The following TMT1A variants were observed in gnomAD, a reference collection of about 807,000 sequenced individuals.
The protein encoded by TMT1A is thiol methyltransferase 1A, also known as thiol S-methyltransferase TMT1A.
the TMT1A span, chr12:50,925,289 A>T: frequency 6.2e-7 from 1 of 1,614,190 alleles, no homozygotes; most frequent in East Asian, 2.2e-5. Flanking sequence ...ACGGGGGCCA[A>T]CTTCAAGTTC....
At chr12:50,925,576 T>C in the TMT1A span, 2 of 1,589,036 alleles carry the variant, frequency 1.3e-6, no homozygotes, top group Non-Finnish European at 1.7e-6. Context: ...TAGTAGCAGC[T>C]ATTATCATAG....
the TMT1A span, chr12:50,929,890 T>G: frequency 1.9e-5 from 22 of 1,178,146 alleles, no homozygotes; most frequent in South Asian, 6.2e-5. Context: ...CCTTGAAATG[T>G]TTTTTTTTTT....
At chr12:50,925,252 C>T in the TMT1A span, 4 of 1,614,230 alleles carry the variant, frequency 2.5e-6, no homozygotes, top group Non-Finnish European at 3.4e-6. Flanking sequence ...CTCCGGGAAA[C>T]TCTCCCTGCT....
At chr12:50,929,066 T>C in the TMT1A span, among the ~76,000 whole-genome samples, 8 of 151,218 alleles carry the variant, frequency 5.3e-5, no homozygotes, top group East Asian at 1.4e-3. Context: ...GGCGAAACTC[T>C]GTCTCTATAA....
At chr12:50,929,516 A>G in the TMT1A span, among the ~76,000 whole-genome samples, 1 of 152,254 alleles carries the variant, frequency 6.6e-6, no homozygotes, top group Non-Finnish European at 1.5e-5. Context: ...ATAACATGTA[A>G]TAACATCTAT....
chr12:50,928,038 T>C, the TMT1A span, among the ~76,000 whole-genome samples: 1 of 152,232 alleles, frequency 6.6e-6, no homozygotes, highest in Non-Finnish European at 1.5e-5. Flanking sequence ...TTGGCCGGGC[T>C]GGTGTCCAAC....
At chr12:50,928,569 A>G in the TMT1A span, among the ~76,000 whole-genome samples, 1 of 152,138 alleles carries the variant, frequency 6.6e-6, no homozygotes. Context: ...CCCCTGTGCA[A>G]GTTCCCTTAT....
At chr12:50,925,761 G>A in the TMT1A span, among the ~76,000 whole-genome samples, 172 of 152,042 alleles carry the variant, frequency 1.1e-3, no homozygotes, top group South Asian at 6.0e-3. Context: ...CCTCCTGGCC[G>A]GGCACAGTGG....
chr12:50,927,331 G>A, the TMT1A span, among the ~76,000 whole-genome samples: 1 of 152,126 alleles, frequency 6.6e-6, no homozygotes, highest in African/African-American at 2.4e-5. Context: ...CCAACCATCA[G>A]TTTTATTTTC....
the TMT1A span, chr12:50,931,717 A>G: frequency 6.8e-6 from 1 of 147,868 alleles, no homozygotes; most frequent in African/African-American, 2.6e-5. Context: ...GTCTCAAAAA[A>G]AAAAAAAAAA....
the TMT1A span, among the ~76,000 whole-genome samples, chr12:50,925,839 G>A: frequency 2.0e-5 from 3 of 151,894 alleles, no homozygotes; most frequent in South Asian, 6.2e-4. Flanking sequence ...AGGAGTTCGA[G>A]ACCAGACTGA....
chr12:50,932,175 G>GA, the TMT1A span: 1 of 152,114 alleles, frequency 6.6e-6, no homozygotes, highest in South Asian at 2.1e-4. Flanking sequence ...ACTAAATTAG[G>GA]AAAACCTTGA....
the TMT1A span, among the ~76,000 whole-genome samples, chr12:50,929,021 T>A: frequency 6.6e-6 from 1 of 151,998 alleles, no homozygotes; most frequent in Non-Finnish European, 1.5e-5. Context: ...GAGGATCACT[T>A]GAGCTCAGGA....
chr12:50,929,404 G>C, the TMT1A span, among the ~76,000 whole-genome samples: 14 of 152,204 alleles, frequency 9.2e-5, no homozygotes, highest in Admixed American at 8.5e-4. Flanking sequence ...GCCAAGAAGA[G>C]TGGTGCAGTT....
At chr12:50,925,062 G>A in the TMT1A span, 2 of 1,614,070 alleles carry the variant, frequency 1.2e-6, no homozygotes, top group South Asian at 2.2e-5. Flanking sequence ...TCTTTATCCT[G>A]AGACTGGCCA....
chr12:50,926,349 G>A, the TMT1A span, among the ~76,000 whole-genome samples: 2 of 152,152 alleles, frequency 1.3e-5, no homozygotes, highest in Non-Finnish European at 2.9e-5. Context: ...TCAGTATAGG[G>A]TTGGGGTGGG....
the TMT1A span, chr12:50,929,815 G>A: frequency 2.6e-5 from 28 of 1,082,136 alleles, no homozygotes; most frequent in Non-Finnish European, 3.5e-5. Flanking sequence ...TCTCTCACAG[G>A]TTTGCAAGGC....
the TMT1A span, among the ~76,000 whole-genome samples, chr12:50,926,481 CA>C: frequency 4.6e-5 from 7 of 152,234 alleles, no homozygotes; most frequent in South Asian, 1.5e-3. Flanking sequence ...TGTCCATACA[CA>C]AGAATATTAA....
At chr12:50,932,107 G>T in the TMT1A span, 1 of 152,054 alleles carries the variant, frequency 6.6e-6, no homozygotes, top group Non-Finnish European at 1.5e-5. Flanking sequence ...AAGGTTCTTG[G>T]GTTCATTTTC....
Sources: allele counts gnomAD v4.1 joint callset (sites outside exome capture counted in the v4.1 genomes callset), GRCh38; gene constraint gnomAD v4.1.1; transcripts MANE v1.5; gene names NCBI Gene and HGNC (gene_info 2026-07-23, HGNC 2026-07-21).